The following SNCB variants were observed in gnomAD, a reference collection of about 807,000 sequenced individuals.
The protein encoded by SNCB is beta-synuclein.
In SNCB, 8 loss-of-function variants were observed where a neutral mutation model predicts 20.0. The ratio of observed to expected loss-of-function variants is 0.40; its 90% CI spans 0.24 to 0.72. The LOEUF (loss-of-function observed/expected upper bound fraction) is 0.72. SNCB is among the 30% of genes least tolerant of loss of function. The pLI, the probability that SNCB is intolerant of heterozygous loss-of-function variation, is 0.37. For missense variants in SNCB, 125 were observed against 168.0 expected, an observed-to-expected ratio of 0.74 and a Z score of 1.41; for synonymous variants, 56 against 65.4, an observed-to-expected ratio of 0.86 and a Z score of 0.69.
chr5:176,627,479 C>G (rs1186246027), intron 2 of SNCB, among the ~76,000 whole-genome samples: 5 of 152,234 alleles, frequency 3.3e-5, no homozygotes, highest in Non-Finnish European at 7.3e-5. Flanking sequence ...GGGCCTTCCT[C>G]GGAGGGTAGC....
Position 176,620,883 on chromosome 5 carries a change from AAGG to A in SNCB, c.373-43_373-41del, listed in dbSNP as rs775734317. The A allele has an allele frequency of 5.0e-6, 8 of 1,596,732 alleles. No individual in the cohort carries two copies. The East Asian group carries it at 1.6e-4, about 31-fold the overall frequency. Reference sequence around the variant, plus strand: ...TGGGGGTGGAGTAGAGAAGAGCAAAAAGGAGGAGGAGTTTGAGACCAAGTGGCC... The same window carrying A: ...TGGGGGTGGAGTAGAGAAGAGCAAAAAGGAGGAGTTTGAGACCAAGTGGCC... On this transcript the variant is annotated intron_variant, in intron 5 of 5. Transcript: ENST00000393693. The surrounding 1 kb of genome is among the most constrained non-coding windows in gnomAD (Gnocchi z 4.5).
intron 4 of SNCB, among the ~76,000 whole-genome samples, chr5:176,622,952 T>C (rs1348907947): frequency 4.6e-5 from 7 of 151,744 alleles, no homozygotes; most frequent in Non-Finnish European, 1.0e-4. Flanking sequence ...GGTCAGGCTG[T>C]TCTCAAACTC....
At chr5:176,627,815 C>T (rs1561901804) in intron 2 of SNCB, among the ~76,000 whole-genome samples, 2 of 152,240 alleles carry the variant, frequency 1.3e-5, no homozygotes, top group East Asian at 1.9e-4. Context: ...CTGGGCCAAT[C>T]GCTCACTGTC....
chr5:176,627,104 C>T (rs1239626245), intron 2 of SNCB, among the ~76,000 whole-genome samples: 1 of 152,238 alleles, frequency 6.6e-6, no homozygotes, highest in Non-Finnish European at 1.5e-5. Context: ...CCCCGTTTCA[C>T]GGATGGAAGC....
At chr5:176,622,069 T>A (rs1284986577) in intron 4 of SNCB, among the ~76,000 whole-genome samples, 1 of 152,310 alleles carries the variant, frequency 6.6e-6, no homozygotes, top group East Asian at 1.9e-4. Flanking sequence ...ACGCCTGGGA[T>A]CCCGGAGCAT....
chr5:176,624,187 A>G (rs2113388762), intron 4 of SNCB, among the ~76,000 whole-genome samples: 1 of 152,342 alleles, frequency 6.6e-6, no homozygotes, highest in Middle Eastern at 3.4e-3. Context: ...TGGGGCTGAC[A>G]GGCTGAACCT....
In SNCB at chr5:176,620,502, C is replaced by G. The variant is rs1759511019; in HGVS notation, c.*309G>C. On this transcript the variant is annotated 3_prime_UTR_variant, in exon 6 of 6. Coordinates refer to ENST00000393693, the MANE Select transcript of SNCB (RefSeq NM_003085.5). This position sits in a 1 kb window ranked among gnomAD's most constrained non-coding sequence, Gnocchi z 4.5. ...CGGGGATCGGGGAGGAGCCGTCGCT[C>G]GGATCTTCGTTTAAAAACACATAGA... 2.4e-6 allele frequency: 1 copy of G among 413,460 alleles called. No individual in the cohort carries two copies. Among genetic ancestry groups the G allele is most frequent in the Non-Finnish European group, 4.3e-6 (1 of 230,554 alleles). 25.6% of individuals were successfully genotyped at this position (413,460 alleles called of 1,614,324 possible). A position where few individuals can be genotyped will look rare whatever the true frequency, so the allele number is the denominator to read the frequency against.
At chr5:176,625,472 C>T (rs183611615) in intron 4 of SNCB, among the ~76,000 whole-genome samples, 123 of 152,296 alleles carry the variant, frequency 8.1e-4, no homozygotes, top group South Asian at 1.7e-3. Context: ...TGTGTTCACT[C>T]GCATTTTACA....
At position 176,630,518 on chromosome 5, in the gene SNCB, G is replaced by C. The variant is rs1231917351; in HGVS notation, c.-248C>G. 6.5e-6 allele frequency: 1 copy of C among 153,686 alleles called. No homozygotes were observed. Among genetic ancestry groups the C allele is most frequent in the Non-Finnish European group, 1.5e-5 (1 of 68,830 alleles). The allele number at this position is 153,686 out of a possible 1,614,324, so 9.5% of individuals were successfully genotyped here. ...GCGCTCCGGCTCCGGCTCCGGCTCC[G>C]GCGCTGCGGCAGCTCTGAGCTCAGC... is the stretch of plus-strand genomic sequence containing the variant. On this transcript the variant is annotated 5_prime_UTR_variant, in exon 1 of 6. Coordinates refer to ENST00000393693, the MANE Select transcript of SNCB (RefSeq NM_003085.5).
chr5:176,620,703 G>A lies in SNCB; in HGVS notation c.*108C>T. 3 of 830,226 alleles carry A rather than the reference G, an allele frequency of 3.6e-6. No individual in the cohort carries two copies. Among genetic ancestry groups the A allele is most frequent in the South Asian group, 2.6e-5 (2 of 75,498 alleles). 51.4% of individuals were successfully genotyped at this position (830,226 alleles called of 1,614,324 possible). On this transcript the variant is annotated 3_prime_UTR_variant, in exon 6 of 6. Coordinates refer to ENST00000393693, the MANE Select transcript of SNCB (RefSeq NM_003085.5). This position sits in a 1 kb window ranked among gnomAD's most constrained non-coding sequence, Gnocchi z 4.5. ...CCGAGGGGGTTGCCTCAGAGCGGAA[G>A]GAAGATCTCGTGATTGGGGAGAAGG...
In SNCB at chr5:176,621,860, C is replaced by T. The variant is rs369085814; in HGVS notation, c.283-557G>A. On this transcript the variant is annotated intron_variant, in intron 4 of 5. Coordinates refer to ENST00000393693, the MANE Select transcript of SNCB (RefSeq NM_003085.5). This position sits in a 1 kb window ranked among gnomAD's most constrained non-coding sequence, Gnocchi z 4.1. ...ATGTGTGAGCTAAGACTCTCCCCCC[C>T]ACCCGCTGCGTCTGCTGCCCAGACA... Among the ~76,000 whole-genome samples, 10 of 152,244 alleles carry T rather than the reference C, an allele frequency of 6.6e-5. No homozygotes were observed. The highest frequency in any genetic ancestry group is 2.1e-4 in the South Asian group (1 of 4,834).
intron 2 of SNCB, among the ~76,000 whole-genome samples, chr5:176,628,419 C>A (rs542254722): frequency 7.9e-5 from 12 of 152,314 alleles, no homozygotes; most frequent in South Asian, 6.2e-4. Context: ...GGCCTCCCTG[C>A]AGTTTTTCTG....
chr5:176,622,587 G>C (rs959770507), intron 4 of SNCB, among the ~76,000 whole-genome samples: 1 of 152,182 alleles, frequency 6.6e-6, no homozygotes, highest in Non-Finnish European at 1.5e-5. Context: ...ATGGATGTGT[G>C]CCTTGTGACC....
In SNCB at chr5:176,620,629, T is replaced by C; in HGVS notation, c.*182A>G. ...CCTGGCCCTGTCCATGCCCCGGGGTTGGACGCGGGCGGGTAGGACAGACAG... is the reference window on the plus strand; with the variant it reads ...CCTGGCCCTGTCCATGCCCCGGGGTCGGACGCGGGCGGGTAGGACAGACAG... On this transcript the variant is annotated 3_prime_UTR_variant, in exon 6 of 6. Transcript: ENST00000393693. The surrounding 1 kb of genome is among the most constrained non-coding windows in gnomAD (Gnocchi z 4.5). The C allele has an allele frequency of 8.0e-6, 5 of 627,590 alleles. No individual in the cohort carries two copies. Among genetic ancestry groups the C allele is most frequent in the Non-Finnish European group, 1.4e-5 (5 of 349,214 alleles). The allele number at this position is 627,590 out of a possible 1,614,324, so 38.9% of individuals were successfully genotyped here.
intron 4 of SNCB, among the ~76,000 whole-genome samples, chr5:176,622,108 C>T (rs11948848): frequency 0.025 from 3,846 of 152,338 alleles, 167 homozygotes; most frequent in African/African-American, 0.086. Context: ...GCCCTGACCA[C>T]GTCTGCACCC....
intron 4 of SNCB, among the ~76,000 whole-genome samples, chr5:176,623,459 C>G (rs1355609088): frequency 6.6e-6 from 1 of 152,096 alleles, no homozygotes; most frequent in Non-Finnish European, 1.5e-5. Flanking sequence ...GTGGGTGAGG[C>G]TCCTGGAGTG....
intron 1 of SNCB, 185 bp downstream of exon 1, chr5:176,630,095 A>C: frequency 6.3e-6 from 1 of 157,610 alleles, no homozygotes; most frequent in Non-Finnish European, 1.4e-5. Context: ...GCGCGGACAC[A>C]CGTCCCCACA....
Position 176,621,263 on chromosome 5 carries a change from A to G in SNCB, c.323T>C (p.Ile108Thr), listed in dbSNP as rs772677605. The change falls in exon 5 of 6, where the codon ATT becomes ACT. Residue 108 changes from isoleucine to threonine, a missense_variant. By Grantham distance (89) the Ile-to-Thr change is moderately conservative. Coordinates refer to ENST00000393693, the MANE Select transcript of SNCB (RefSeq NM_003085.5). This position sits in a 1 kb window ranked among gnomAD's most constrained non-coding sequence, Gnocchi z 4.1. ...CCCTTCTGGCTCCATCAGGGGCTCA[A>G]TCAGTGGTTCTTCAGCAGCTTCCTG... ...VAQEAAEEPL[I>T]EPLMEPEGES... 3.7e-6 allele frequency: 6 copies of G among 1,613,730 alleles called. No homozygotes were observed. The highest frequency in any genetic ancestry group is 3.3e-5 in the Admixed American group (2 of 59,972).
At chr5:176,623,373 C>G (rs917145999) in intron 4 of SNCB, among the ~76,000 whole-genome samples, 1 of 151,926 alleles carries the variant, frequency 6.6e-6, no homozygotes, top group East Asian at 1.9e-4. Flanking sequence ...GGCAACAGGG[C>G]GAGACTCCGT....
Sources: allele counts gnomAD v4.1 joint callset (sites outside exome capture counted in the v4.1 genomes callset), GRCh38; gene constraint gnomAD v4.1.1; non-coding constraint Gnocchi (gnomAD v3.1); transcripts MANE v1.5; gene names NCBI Gene and HGNC (gene_info 2026-07-23, HGNC 2026-07-21).